The following USP25 variants were observed in gnomAD, a reference collection of about 807,000 sequenced individuals.
USP25 encodes ubiquitin carboxyl-terminal hydrolase 25.
USP25 carries 85 observed loss-of-function variants against 158.5 expected under a neutral mutation model. The ratio of observed to expected loss-of-function variants is 0.54; its 90% CI spans 0.45 to 0.64. The LOEUF is 0.64. Ranked by LOEUF, USP25 falls within the 30% of genes least tolerant of loss-of-function variation. The pLI, the probability that USP25 is intolerant of heterozygous loss-of-function variation, is 0.00. For missense variants in USP25, 1,242 were observed against 1,327.3 expected (o/e 0.94, Z 1.00); for synonymous variants, 464 against 460.4 (o/e 1.01, Z -0.10).
chr21:15,812,259 G>T (rs1568837125), intron 9 of USP25, among the ~76,000 whole-genome samples: 2 of 151,984 alleles, frequency 1.3e-5, no homozygotes, highest in Non-Finnish European at 2.9e-5. Context: ...CAGCGAGTAG[G>T]TCTCATCAGG....
At chr21:15,867,951 G>C (rs756568208) in intron 22 of USP25, among the ~76,000 whole-genome samples, 3 of 152,062 alleles carry the variant, frequency 2.0e-5, no homozygotes, top group Non-Finnish European at 4.4e-5. Flanking sequence ...TATAAATTCA[G>C]TGCAGGCTGT....
At chr21:15,832,436 G>A (rs2037848463) in intron 16 of USP25, among the ~76,000 whole-genome samples, 1 of 151,984 alleles carries the variant, frequency 6.6e-6, no homozygotes, top group Non-Finnish European at 1.5e-5. Context: ...GTCCACTTCT[G>A]ACTAAAAAAA....
intron 1 of USP25, among the ~76,000 whole-genome samples, chr21:15,753,704 G>GA (rs200965042): frequency 0.033 from 4,625 of 140,236 alleles, 180 homozygotes; most frequent in African/African-American, 0.091. Flanking sequence ...GTATGAGAGG[G>GA]AAAAAAAAAA....
chr21:15,850,027 A>G (rs2038812052), intron 20 of USP25, among the ~76,000 whole-genome samples, 155 bp downstream of exon 20: 1 of 151,876 alleles, frequency 6.6e-6, no homozygotes, highest in Non-Finnish European at 1.5e-5. Context: ...TATTTTATGT[A>G]TTAATTAACC....
chr21:15,762,143 A>C (rs1031663191), intron 1 of USP25, among the ~76,000 whole-genome samples: 1 of 123,282 alleles, frequency 8.1e-6, no homozygotes, highest in African/African-American at 4.3e-5. Context: ...AAAGATTTCA[A>C]TAGATCCTAT....
chr21:15,787,013 A>C (rs1329220553), intron 4 of USP25, among the ~76,000 whole-genome samples: 1 of 152,104 alleles, frequency 6.6e-6, no homozygotes, highest in Non-Finnish European at 1.5e-5. Flanking sequence ...CATTTACAAG[A>C]GCTACAAAAA....
chr21:15,796,131 A>G (rs765543953), intron 5 of USP25, among the ~76,000 whole-genome samples: 1 of 151,622 alleles, frequency 6.6e-6, no homozygotes, highest in Non-Finnish European at 1.5e-5. Flanking sequence ...AGGTGCATTA[A>G]TCAAAAACAC....
Position 15,755,189 on chromosome 21 carries a change from G to A in USP25, c.46-7702G>A, listed in dbSNP as rs1333665253. Among the ~76,000 whole-genome samples, 2 of 151,772 alleles carry A rather than the reference G, an allele frequency of 1.3e-5. 1 individual carries two copies. The highest frequency in any genetic ancestry group is 3.9e-4 in the East Asian group (2 of 5,182). On this transcript the variant is annotated intron_variant, in intron 1 of 25. Transcript: ENST00000400183. ...TCCTCTGTTCTTAGAAAATTTGGAA[G>A]GTTTTTTTAGAGGTCATTCTAAGAG...
At chr21:15,784,447 C>T (rs2035160568) in intron 4 of USP25, among the ~76,000 whole-genome samples, 1 of 152,024 alleles carries the variant, frequency 6.6e-6, no homozygotes, top group African/African-American at 2.4e-5. Context: ...TGGTGCATGC[C>T]TGTAATCCAA....
At chr21:15,793,453 AT>A (rs1185088374) in intron 5 of USP25, among the ~76,000 whole-genome samples, 41 of 146,400 alleles carry the variant, frequency 2.8e-4, no homozygotes, top group African/African-American at 5.2e-4. Context: ...TTTAGCTTAG[AT>A]TTTTTTTTTT....
chr21:15,834,756 A>G (rs1164948565), intron 17 of USP25, among the ~76,000 whole-genome samples: 1 of 152,250 alleles, frequency 6.6e-6, no homozygotes, highest in African/African-American at 2.4e-5. Flanking sequence ...AGATAATGGT[A>G]TCACAGCAAC....
rs2039568498 is a variant in USP25 at position 15,864,405 on chromosome 21, A to G, written c.2685A>G (p.Leu895=). 5.6e-6 allele frequency: 9 copies of G among 1,610,130 alleles called. No individual in the cohort carries two copies. Among genetic ancestry groups the G allele is most frequent in the Non-Finnish European group, 7.6e-6 (9 of 1,179,038 alleles). ...CAAAGAAAATTATTGAGAAAACATT[A>G]CTAGAACAATTTGGAGATAGAAATT... ...QAPKKIIEKT[L]LEQFGDRNLS... is the part of the protein sequence containing the mutation. The change falls in exon 21 of 26, where the codon TTA becomes TTG. Residue 895 remains leucine (L), a synonymous_variant. Transcript: ENST00000400183.
chr21:15,790,728 T>C (rs2035545057), intron 4 of USP25, among the ~76,000 whole-genome samples: 1 of 151,322 alleles, frequency 6.6e-6, no homozygotes, highest in Admixed American at 6.6e-5. Context: ...GGTTAGATCC[T>C]ATGTGGGAAC....
intron 1 of USP25, among the ~76,000 whole-genome samples, chr21:15,741,689 T>C (rs976841281): frequency 6.6e-6 from 1 of 152,208 alleles, no homozygotes; most frequent in Non-Finnish European, 1.5e-5. Context: ...TCCTACACGA[T>C]AGGAATCACA....
rs2037908303 is a variant in USP25, at chr21:15,833,432, A to G, written c.2078A>G (p.Asn693Ser). The G allele has an allele frequency of 2.5e-6, 4 of 1,613,978 alleles. No homozygotes were observed. The highest frequency in any genetic ancestry group is 1.1e-5 in the South Asian group (1 of 91,082). Residue 693 changes from asparagine to serine, a missense_variant, in exon 17 of 26, where the codon AAC becomes AGC. Coordinates refer to ENST00000400183, the MANE Select transcript of USP25 (RefSeq NM_001283041.3). ...TTGAGAGATTTTGTTGAGGAAGACAACCAACGATTTGAAAAAGAACTAGAA... is the reference window on the plus strand; with the variant it reads ...TTGAGAGATTTTGTTGAGGAAGACAGCCAACGATTTGAAAAAGAACTAGAA... ...PDLRDFVEED[N>S]QRFEKELEEW... is the part of the protein sequence containing the mutation.
chr21:15,794,911 AAGT>A, intron 5 of USP25, among the ~76,000 whole-genome samples: 1 of 151,584 alleles, frequency 6.6e-6, no homozygotes, highest in Non-Finnish European at 1.5e-5. Flanking sequence ...GGAGTATCTA[AAGT>A]AGTACGTGAG....
chr21:15,854,848 T>C (rs377192110), intron 20 of USP25, among the ~76,000 whole-genome samples: 4 of 152,006 alleles, frequency 2.6e-5, no homozygotes, highest in East Asian at 1.9e-4. Context: ...GAAAAAAAAA[T>C]GCAATGGGCT....
chr21:15,763,854 TAATA>T (rs943510247), intron 2 of USP25, among the ~76,000 whole-genome samples: 1 of 152,166 alleles, frequency 6.6e-6, no homozygotes, highest in African/African-American at 2.4e-5. Flanking sequence ...CTCATCCTAA[TAATA>T]AATAACTCTA....
rs1473660232 is a variant in USP25, at chr21:15,879,499, A to T, written c.*1024A>T. 1.3e-5 allele frequency: 2 copies of T among 152,642 alleles called. No individual in the cohort carries two copies. Among genetic ancestry groups the T allele is most frequent in the African/African-American group, 4.8e-5 (2 of 41,566 alleles). 9.5% of individuals were successfully genotyped at this position (152,642 alleles called of 1,614,324 possible). ...TGTTGTTTAACTAGAAGTTATGAGT[A>T]TCTTAACTGCCTTTATTCCTTTTCA... On this transcript the variant is annotated 3_prime_UTR_variant, in exon 26 of 26. Coordinates refer to ENST00000400183, the MANE Select transcript of USP25 (RefSeq NM_001283041.3).
Sources: allele counts gnomAD v4.1 joint callset (sites outside exome capture counted in the v4.1 genomes callset), GRCh38; gene constraint gnomAD v4.1.1; transcripts MANE v1.5; gene names NCBI Gene and HGNC (gene_info 2026-07-23, HGNC 2026-07-21).